The following DTD1 variants were observed in gnomAD, a reference collection of about 807,000 sequenced individuals.
DTD1 encodes D-tyrosyl-tRNA deacylase 1 homolog.
Under a neutral mutation model 25.6 loss-of-function variants are expected in DTD1, and 13 were observed. The ratio of observed to expected loss-of-function variants is 0.51; its 90% CI spans 0.33 to 0.81. DTD1 has a LOEUF of 0.81. DTD1 is among the 30% of genes least tolerant of loss of function. DTD1 has a pLI of 0.02. For missense variants in DTD1, 193 were observed against 266.4 expected (o/e 0.72, Z 1.92); for synonymous variants, 110 against 103.6 (o/e 1.06, Z -0.37).
chr20:18,638,158 TC>T (rs2060814617), intron 4 of DTD1, among the ~76,000 whole-genome samples: 1 of 151,014 alleles, frequency 6.6e-6, no homozygotes, highest in South Asian at 2.1e-4. Context: ...CACCCATATG[TC>T]CCTCCATCTG....
chr20:18,597,649 C>T (rs1300094133), intron 3 of DTD1, among the ~76,000 whole-genome samples: 1 of 152,180 alleles, frequency 6.6e-6, no homozygotes, highest in African/African-American at 2.4e-5. Context: ...TTCCTGGCTT[C>T]TTTCACTTAG....
intron 4 of DTD1, among the ~76,000 whole-genome samples, chr20:18,705,765 C>T (rs1476087297): frequency 6.6e-6 from 1 of 152,006 alleles, no homozygotes. Flanking sequence ...AGAGAAAATG[C>T]CAAAGGTTGG....
At chr20:18,726,165 C>T (rs1340601849) in intron 4 of DTD1, among the ~76,000 whole-genome samples, 1 of 152,170 alleles carries the variant, frequency 6.6e-6, no homozygotes, top group African/African-American at 2.4e-5. Flanking sequence ...AGTGGAGTCG[C>T]CTCTGGCATA....
chr20:18,656,308 G>A (rs1324641869), intron 4 of DTD1, among the ~76,000 whole-genome samples: 2 of 152,122 alleles, frequency 1.3e-5, no homozygotes, highest in African/African-American at 4.8e-5. Flanking sequence ...TCTTTATAGG[G>A]ATTATCTTAA....
In DTD1 at chr20:18,661,566, T is replaced by C. The variant is rs573714650; in HGVS notation, c.477+33333T>C. 1.6e-4 allele frequency among the ~76,000 whole-genome samples: 24 copies of C among 152,120 alleles called. No individual in the cohort carries two copies. In the South Asian group the frequency reaches 4.8e-3, roughly 30 times the overall value. ...TTTTGTATTTTTAGTAGAGACGGGG[T>C]TTCACCGTGTTAGCCAGGATGGTTT... On this transcript the variant is annotated intron_variant, in intron 4 of 5. Transcript: ENST00000377452.
chr20:18,659,177 T>A (rs2068505), intron 4 of DTD1, among the ~76,000 whole-genome samples: 9 of 152,048 alleles, frequency 5.9e-5, no homozygotes, highest in African/African-American at 2.2e-4. Flanking sequence ...AAGAAAGTTT[T>A]AGAAAAGTGA....
At chr20:18,731,776 G>C (rs1030891129) in intron 4 of DTD1, among the ~76,000 whole-genome samples, 3 of 152,132 alleles carry the variant, frequency 2.0e-5, no homozygotes, top group African/African-American at 7.2e-5. Flanking sequence ...CTCTGTAACT[G>C]TTATGCACCA....
intron 3 of DTD1, among the ~76,000 whole-genome samples, chr20:18,621,081 C>CT (rs1043362595): frequency 2.0e-5 from 3 of 152,132 alleles, no homozygotes; most frequent in Admixed American, 6.5e-5. Context: ...CACTAATATC[C>CT]TTTTTTCTGG....
intron 4 of DTD1, among the ~76,000 whole-genome samples, chr20:18,690,136 TAA>T (rs74180929): frequency 7.7e-5 from 10 of 129,846 alleles, no homozygotes; most frequent in Admixed American, 1.6e-4. Flanking sequence ...ACCCTGTCTC[TAA>T]AAAAAAAAAA....
At chr20:18,609,432 G>C (rs1253785706) in intron 3 of DTD1, among the ~76,000 whole-genome samples, 1 of 151,992 alleles carries the variant, frequency 6.6e-6, no homozygotes, top group African/African-American at 2.4e-5. Flanking sequence ...GATTACAGGC[G>C]TGAGCCACCA....
intron 4 of DTD1, among the ~76,000 whole-genome samples, chr20:18,740,163 C>G (rs1229390788): frequency 2.0e-5 from 3 of 152,074 alleles, no homozygotes; most frequent in African/African-American, 7.2e-5. Flanking sequence ...GGTTACTCCC[C>G]ATCGTCCTCT....
chr20:18,743,413 G>C (rs926023465), intron 4 of DTD1, among the ~76,000 whole-genome samples: 1 of 152,198 alleles, frequency 6.6e-6, no homozygotes, highest in African/African-American at 2.4e-5. Flanking sequence ...AAAACACGTG[G>C]TGTGGCATGG....
intron 3 of DTD1, among the ~76,000 whole-genome samples, chr20:18,603,015 G>C: frequency 1.0e-5 from 1 of 99,754 alleles, no homozygotes; most frequent in Non-Finnish European, 2.3e-5. Flanking sequence ...TCAGTGTGCT[G>C]TATTCAGGAA....
intron 4 of DTD1, chr20:18,642,797 T>G (rs567299967): frequency 1.2e-4 from 19 of 160,666 alleles, no homozygotes; most frequent in Non-Finnish European, 1.4e-4. Context: ...GCCCCTGGTC[T>G]TCTTGTTCTA....
chr20:18,695,266 ACT>A (rs1187525614), intron 4 of DTD1, among the ~76,000 whole-genome samples: 3 of 151,744 alleles, frequency 2.0e-5, no homozygotes, highest in African/African-American at 7.3e-5. Flanking sequence ...TGAGATTGAT[ACT>A]GAAGGTCTCT....
intron 5 of DTD1, among the ~76,000 whole-genome samples, chr20:18,758,460 T>C (rs1177780531): frequency 2.0e-5 from 3 of 152,262 alleles, no homozygotes; most frequent in Non-Finnish European, 4.4e-5. Flanking sequence ...CCAGAGATTC[T>C]GGTATGTTGT....
chr20:18,685,577 G>C (rs184425400), intron 4 of DTD1, among the ~76,000 whole-genome samples: 1 of 152,322 alleles, frequency 6.6e-6, no homozygotes, highest in Admixed American at 6.5e-5. Flanking sequence ...TGGCAGACAC[G>C]TGGGTGACCG....
chr20:18,765,403 GATTA>G lies in DTD1; in HGVS notation c.*2069_*2072del, dbSNP rs1488293631. ...CCTATATGTGTGAGGGGGGATCTTT[GATTA>G]ATTAAAACATCTTCCTCACAGTATG... On this transcript the variant is annotated 3_prime_UTR_variant, in exon 6 of 6. Coordinates refer to ENST00000377452, the MANE Select transcript of DTD1 (RefSeq NM_080820.6). 6.6e-6 allele frequency: 1 copy of G among 152,200 alleles called. No homozygotes were observed. The highest frequency in any genetic ancestry group is 1.9e-4 in the East Asian group (1 of 5,192). 9.4% of individuals were successfully genotyped at this position (152,200 alleles called of 1,614,324 possible). A position where few individuals can be genotyped will look rare whatever the true frequency, so the allele number is the denominator to read the frequency against.
intron 4 of DTD1, among the ~76,000 whole-genome samples, chr20:18,640,486 G>A (rs1469997026): frequency 6.6e-6 from 1 of 151,826 alleles, no homozygotes; most frequent in Non-Finnish European, 1.5e-5. Context: ...TTTACACATG[G>A]TATCTCTGGG....
Sources: allele counts gnomAD v4.1 joint callset (sites outside exome capture counted in the v4.1 genomes callset), GRCh38; gene constraint gnomAD v4.1.1; transcripts MANE v1.5; gene names NCBI Gene and HGNC (gene_info 2026-07-23, HGNC 2026-07-21).